The following RNF212B variants were observed in gnomAD, a reference collection of about 807,000 sequenced individuals.
RNF212B encodes the protein ring finger protein 212B, also known as E3 ubiquitin-protein ligase RNF212B.
In RNF212B, 52 loss-of-function variants were observed where a neutral mutation model predicts 55.5. That is an observed-to-expected ratio of 0.94 (90% CI 0.75 to 1.18). The LOEUF (loss-of-function observed/expected upper bound fraction) is 1.18, where lower values mean the gene tolerates loss of function less well. RNF212B is among the 50% of genes most tolerant of loss of function. The pLI is 0.00. For missense variants in RNF212B, 289 were observed against 350.4 expected (o/e 0.82, Z 1.40); for synonymous variants, 99 against 121.4 (o/e 0.82, Z 1.21).
At chr14:23,270,524 T>G in intron 13 of RNF212B, 76 bp from the exon 14 acceptor site, 9 of 996,100 alleles carry the variant, frequency 9.0e-6, no homozygotes, top group Non-Finnish European at 1.4e-5. Flanking sequence ...ACTACCTCAT[T>G]ACCCTGACCC....
At chr14:23,213,902 A>G (rs1474231068) in intron 2 of RNF212B, among the ~76,000 whole-genome samples, 1 of 152,228 alleles carries the variant, frequency 6.6e-6, no homozygotes, top group East Asian at 1.9e-4. Flanking sequence ...AACAGTCAAC[A>G]GGCACTAACA....
intron 2 of RNF212B, among the ~76,000 whole-genome samples, chr14:23,229,222 A>ATT (rs1406745129): frequency 9.2e-5 from 3 of 32,580 alleles, no homozygotes; most frequent in African/African-American, 1.8e-4. Context: ...ATAATATTTT[A>ATT]TATATATATA....
chr14:23,264,651 C>G lies in RNF212B; in HGVS notation c.614C>G (p.Thr205Ser). Residue 205 changes from threonine to serine, a missense_variant, in exon 11 of 15, where the codon ACT becomes AGT. By Grantham distance (58) the Thr-to-Ser change is moderately conservative. Coordinates refer to ENST00000430154, the MANE Select transcript of RNF212B (RefSeq NM_001282322.3). ...GGCAGAGGTCTGCAGGGAAGGAGAA[C>G]TCCCAGAGACTCTTATAATGGTGAG... is the stretch of plus-strand genomic sequence containing the variant. Reference protein sequence around the residue: ...QGGRGLQGRRTPRDSYNETPS... With the variant: ...QGGRGLQGRRSPRDSYNETPS... 7.5e-7 allele frequency: 1 copy of G among 1,327,370 alleles called. No individual in the cohort carries two copies. The highest frequency in any genetic ancestry group is 9.7e-7 in the Non-Finnish European group (1 of 1,030,860). 82.2% of individuals were successfully genotyped at this position (1,327,370 alleles called of 1,614,324 possible). A position where few individuals can be genotyped will look rare whatever the true frequency, so the allele number is the denominator to read the frequency against.
intron 4 of RNF212B, among the ~76,000 whole-genome samples, chr14:23,256,001 G>GT (rs1348860356): frequency 1.3e-5 from 2 of 152,202 alleles, no homozygotes; most frequent in African/African-American, 2.4e-5. Flanking sequence ...GGAATGATCA[G>GT]TTTTTTGGGA....
At chr14:23,244,029 G>T (rs977130272) in intron 3 of RNF212B, among the ~76,000 whole-genome samples, 18 of 151,652 alleles carry the variant, frequency 1.2e-4, no homozygotes, top group African/African-American at 3.6e-4. Flanking sequence ...AATGAGCCTA[G>T]ATCACACCAC....
At chr14:23,200,501 AT>A (rs1376576370) in intron 2 of RNF212B, among the ~76,000 whole-genome samples, 1 of 151,772 alleles carries the variant, frequency 6.6e-6, no homozygotes, top group Non-Finnish European at 1.5e-5. Context: ...AATTTTTGTA[AT>A]TTCAGCAGAG....
At chr14:23,227,859 G>A (rs178757) in intron 2 of RNF212B, among the ~76,000 whole-genome samples, 85,791 of 151,784 alleles carry the variant, frequency 0.57, 25,159 homozygotes, top group African/African-American at 0.73. Context: ...TCAGCCCCCC[G>A]AAGTGCTGGG....
chr14:23,270,647 C>G lies in RNF212B; in HGVS notation c.820C>G (p.Leu274Val), dbSNP rs1468851651. Residue 274 changes from leucine to valine, a missense_variant, in exon 14 of 15, where the codon CTA becomes GTA. Coordinates refer to ENST00000430154, the MANE Select transcript of RNF212B (RefSeq NM_001282322.3). Reference protein sequence around the residue: ...TTLESLPSFQLPVLQTLYQQR... With the variant: ...TTLESLPSFQVPVLQTLYQQR... ...ACTAGAGAGTCTTCCTAGTTTCCAGCTACCAGTCCTGCAGGTGAGACCTGG... is the reference window on the plus strand; with the variant it reads ...ACTAGAGAGTCTTCCTAGTTTCCAGGTACCAGTCCTGCAGGTGAGACCTGG... 2.6e-6 allele frequency: 4 copies of G among 1,549,752 alleles called. No individual in the cohort carries two copies. Among genetic ancestry groups the G allele is most frequent in the Non-Finnish European group, 3.5e-6 (4 of 1,145,886 alleles).
intron 2 of RNF212B, among the ~76,000 whole-genome samples, chr14:23,242,738 C>T (rs1156390454): frequency 6.6e-6 from 1 of 151,972 alleles, no homozygotes; most frequent in African/African-American, 2.4e-5. Flanking sequence ...TTTGCGGGGG[C>T]CAAGGTGGGA....
chr14:23,266,276 T>C (rs1302983595), intron 11 of RNF212B, among the ~76,000 whole-genome samples: 1 of 152,012 alleles, frequency 6.6e-6, no homozygotes, highest in African/African-American at 2.4e-5. Flanking sequence ...TAATGTCCTT[T>C]GTGATTTTTG....
At chr14:23,202,884 TA>T (rs1439691428) in intron 2 of RNF212B, among the ~76,000 whole-genome samples, 3 of 152,108 alleles carry the variant, frequency 2.0e-5, no homozygotes, top group Non-Finnish European at 4.4e-5. Context: ...TGTGAGTGTT[TA>T]AAATTTAACA....
At chr14:23,232,299 C>A (rs1336123932) in intron 2 of RNF212B, among the ~76,000 whole-genome samples, 3 of 151,982 alleles carry the variant, frequency 2.0e-5, no homozygotes, top group Admixed American at 6.5e-5. Flanking sequence ...GCCGCAACCC[C>A]ATCTGGGAGG....
chr14:23,237,498 T>A (rs762444401), upstream of RNF212B, among the ~76,000 whole-genome samples: 2 of 152,192 alleles, frequency 1.3e-5, no homozygotes, highest in Non-Finnish European at 2.9e-5. Flanking sequence ...TATCACACTG[T>A]TCTTTGTCCG....
At chr14:23,227,218 T>G (rs916313882) in intron 2 of RNF212B, among the ~76,000 whole-genome samples, 68 of 137,100 alleles carry the variant, frequency 5.0e-4, no homozygotes, top group African/African-American at 1.9e-3. Context: ...TATTTTATTA[T>G]TATAATTTTT....
At chr14:23,237,064 A>G (rs1468536777), upstream of RNF212B, among the ~76,000 whole-genome samples, 1 of 150,448 alleles carries the variant, frequency 6.6e-6, no homozygotes, top group Non-Finnish European at 1.5e-5. Flanking sequence ...CGTGGGATTA[A>G]GTGATACACC....
chr14:23,272,863 G>T lies in RNF212B; in HGVS notation c.875G>T (p.Gly292Val), dbSNP rs1489367784. Residue 292 changes from glycine to valine, a missense_variant, in exon 15 of 15, where the codon GGG becomes GTG. Coordinates refer to ENST00000430154, the MANE Select transcript of RNF212B (RefSeq NM_001282322.3). ...CGGAGGCATATGGGATTACCCAGTG[G>T]GAGAGAAGCATGGACCACTTCTAGA... ...QQRRHMGLPS[G>V]REAWTTSR 36 of 1,547,542 alleles carry T rather than the reference G, an allele frequency of 2.3e-5. No homozygotes were observed. Among genetic ancestry groups the T allele is most frequent in the Non-Finnish European group, 3.1e-5 (36 of 1,144,990 alleles).
intron 2 of RNF212B, among the ~76,000 whole-genome samples, chr14:23,216,890 A>AAAAC: frequency 6.6e-6 from 1 of 150,886 alleles, no homozygotes; most frequent in Non-Finnish European, 1.5e-5. Context: ...AAAAAAAAAA[A>AAAAC]AAAAAAAAAA....
chr14:23,252,621 G>T (rs1884498270), intron 4 of RNF212B, among the ~76,000 whole-genome samples: 1 of 152,080 alleles, frequency 6.6e-6, no homozygotes, highest in African/African-American at 2.4e-5. Flanking sequence ...TTTTTAAAGG[G>T]TTGGACAGGT....
intron 2 of RNF212B, among the ~76,000 whole-genome samples, chr14:23,232,334 CCTGT>C (rs376844366): frequency 0.16 from 23,709 of 151,334 alleles, 2,134 homozygotes; most frequent in Middle Eastern, 0.24. Flanking sequence ...GCCCGGCTGC[CCTGT>C]CTGAGAAGTG....
Sources: gnomAD v4.1 joint callset for allele counts (sites outside exome capture counted in the v4.1 genomes callset) on GRCh38, gnomAD v4.1.1 for gene constraint, MANE v1.5 for transcripts, NCBI Gene and HGNC (gene_info 2026-07-23, HGNC 2026-07-21) for gene names.